The following CTNNA2 variants were observed in gnomAD, a reference collection of about 807,000 sequenced individuals.
CTNNA2 encodes the protein catenin alpha 2.
A neutral mutation model predicts 101.0 loss-of-function variants in CTNNA2; 42 were observed. The observed-to-expected ratio is 0.42, with a 90% confidence interval of 0.32 to 0.54. CTNNA2 has a LOEUF of 0.54. Ranked by LOEUF, CTNNA2 falls within the 20% of genes least tolerant of loss-of-function variation. The probability of loss-of-function intolerance (pLI) is 0.14; values close to 1 mark genes in which losing one functional copy is unlikely to be tolerated. For missense variants in CTNNA2, 871 were observed against 1,223.1 expected (o/e 0.71, Z 4.29); for synonymous variants, 450 against 456.4 (o/e 0.99, Z 0.18).
At chr2:80,192,802 C>T (rs571196377) in intron 7 of CTNNA2, among the ~76,000 whole-genome samples, 15 of 152,312 alleles carry the variant, frequency 9.8e-5, no homozygotes, top group African/African-American at 2.6e-4. Context: ...CGCGAGCCAC[C>T]GCACCCGTGC....
chr2:80,413,400 C>T (rs914546754), intron 8 of CTNNA2, among the ~76,000 whole-genome samples: 2 of 152,138 alleles, frequency 1.3e-5, no homozygotes, highest in Admixed American at 1.3e-4. Flanking sequence ...TCGTGTTTCT[C>T]GTATAAGGAA....
intron 7 of CTNNA2, among the ~76,000 whole-genome samples, chr2:80,226,537 G>A (rs766893532): frequency 1.8e-4 from 28 of 152,274 alleles, no homozygotes; most frequent in Middle Eastern, 3.4e-3. Context: ...AACTCACTGC[G>A]GCACTGGCAT....
At chr2:80,142,386 A>G (rs1197540376) in intron 7 of CTNNA2, among the ~76,000 whole-genome samples, 1 of 152,126 alleles carries the variant, frequency 6.6e-6, no homozygotes, top group East Asian at 1.9e-4. Context: ...GCTTTGCCGC[A>G]CTGAGTGAGC....
At chr2:79,787,554 G>A in intron 3 of CTNNA2, among the ~76,000 whole-genome samples, 1 of 152,100 alleles carries the variant, frequency 6.6e-6, no homozygotes, top group East Asian at 1.9e-4. Context: ...CTTAAACAAT[G>A]TTAATTTATT....
At chr2:79,562,715 A>G (rs1490630756) in intron 1 of CTNNA2, among the ~76,000 whole-genome samples, 1 of 152,106 alleles carries the variant, frequency 6.6e-6, no homozygotes, top group Non-Finnish European at 1.5e-5. Context: ...CTTTGGGTAT[A>G]TATTGTATTT....
intron 7 of CTNNA2, among the ~76,000 whole-genome samples, chr2:80,095,620 A>G (rs1207608137): frequency 6.6e-6 from 1 of 152,176 alleles, no homozygotes; most frequent in Non-Finnish European, 1.5e-5. Context: ...TTGGCTGTGA[A>G]TCCGTCTGGT....
At chr2:80,061,253 A>G (rs1697579219) in intron 7 of CTNNA2, among the ~76,000 whole-genome samples, 1 of 152,244 alleles carries the variant, frequency 6.6e-6, no homozygotes, top group South Asian at 2.1e-4. Context: ...AAATACAAAA[A>G]CAAGAGGCAA....
intron 7 of CTNNA2, among the ~76,000 whole-genome samples, chr2:80,376,476 A>T (rs1033003841): frequency 6.6e-6 from 1 of 152,096 alleles, no homozygotes; most frequent in Non-Finnish European, 1.5e-5. Flanking sequence ...GAAAAAAAAA[A>T]AAAAACGGTA....
chr2:79,843,616 A>G (rs1574110043), intron 3 of CTNNA2, among the ~76,000 whole-genome samples: 1 of 152,216 alleles, frequency 6.6e-6, no homozygotes, highest in Admixed American at 6.5e-5. Flanking sequence ...TTCTGTCTCT[A>G]AAATACAAGC....
At chr2:80,248,047 C>A (rs77972552) in intron 7 of CTNNA2, among the ~76,000 whole-genome samples, 1,922 of 151,142 alleles carry the variant, frequency 0.013, 47 homozygotes, top group African/African-American at 0.043. Context: ...GCAGGGGACT[C>A]ATTTTTCTGG....
intron 7 of CTNNA2, among the ~76,000 whole-genome samples, chr2:79,982,845 A>G (rs1315508006): frequency 2.6e-5 from 4 of 151,810 alleles, no homozygotes; most frequent in Non-Finnish European, 5.9e-5. Flanking sequence ...CTTTTTAAAA[A>G]CTCACTTTCC....
intron 7 of CTNNA2, among the ~76,000 whole-genome samples, chr2:79,994,832 G>C (rs1480690501): frequency 6.6e-6 from 1 of 152,050 alleles, no homozygotes; most frequent in East Asian, 1.9e-4. Context: ...ATGCTTTCAG[G>C]AGATATCACC....
chr2:80,231,710 G>A (rs750717470), intron 7 of CTNNA2, among the ~76,000 whole-genome samples: 1 of 152,128 alleles, frequency 6.6e-6, no homozygotes, highest in Non-Finnish European at 1.5e-5. Flanking sequence ...CCTGACACTG[G>A]TATAGCATCA....
intron 6 of CTNNA2, 138 bp downstream of exon 6, chr2:79,874,480 C>A: frequency 9.6e-7 from 1 of 1,040,468 alleles, no homozygotes; most frequent in Non-Finnish European, 1.4e-6. Context: ...AGATAAACTA[C>A]ATAATGCATT....
Position 79,639,932 on chromosome 2 carries a change from T to TTGTGTGTG in CTNNA2, c.-5-11597_-5-11590dup, listed in dbSNP as rs60058512. Among the ~76,000 whole-genome samples, 263 of 145,216 alleles carry TTGTGTGTG rather than the reference T, an allele frequency of 1.8e-3. 1 individual carries two copies. The highest frequency in any genetic ancestry group is 6.4e-3 in the African/African-American group (254 of 39,382). On this transcript the variant is annotated intron_variant, in intron 1 of 18. Coordinates refer to ENST00000402739, the MANE Select transcript of CTNNA2 (RefSeq NM_001282597.3). The stretch of plus-strand genomic sequence containing the variant: ...CATTTGTATTTTATTTTAACTATAA[T>TTGTGTGTG]TGTGTGTGTGTGTGTGTGTGTGTGT...
At chr2:79,508,424 C>G (rs936822128), upstream of CTNNA2, among the ~76,000 whole-genome samples, 1 of 152,046 alleles carries the variant, frequency 6.6e-6, no homozygotes, top group East Asian at 1.9e-4. Context: ...ACAGCAGTCT[C>G]GGCTTTCTCC....
chr2:80,505,466 C>A (rs1479026105), intron 9 of CTNNA2, among the ~76,000 whole-genome samples: 1 of 152,176 alleles, frequency 6.6e-6, no homozygotes, highest in Non-Finnish European at 1.5e-5. Context: ...GGCCTCTTAA[C>A]GTATGTGTGC....
At chr2:79,825,743 T>C (rs1678387501) in intron 3 of CTNNA2, among the ~76,000 whole-genome samples, 1 of 152,108 alleles carries the variant, frequency 6.6e-6, no homozygotes, top group Non-Finnish European at 1.5e-5. Flanking sequence ...AAGTCATAGA[T>C]GGCTAAGTTG....
intron 1 of CTNNA2, among the ~76,000 whole-genome samples, chr2:79,614,620 AC>A (rs1290761418): frequency 6.6e-6 from 1 of 152,186 alleles, no homozygotes; most frequent in Admixed American, 6.6e-5. Context: ...TCAAAATGTC[AC>A]ATGATTCAGA....
Sources: gnomAD v4.1 joint callset for allele counts (sites outside exome capture counted in the v4.1 genomes callset) on GRCh38, gnomAD v4.1.1 for gene constraint, MANE v1.5 for transcripts, NCBI Gene and HGNC (gene_info 2026-07-23, HGNC 2026-07-21) for gene names.